RAB3C: variants seen among roughly 807,000 people sequenced by gnomAD.
RAB3C encodes RAB3C, member RAS oncogene family.
A neutral mutation model predicts 26.4 loss-of-function variants in RAB3C; 17 were observed. The ratio of observed to expected loss-of-function variants is 0.64; its 90% confidence interval spans 0.44 to 0.97. RAB3C has a LOEUF of 0.97. Ranked by LOEUF, RAB3C falls within the 50% of genes least tolerant of loss-of-function variation. The pLI is 0.00. For missense variants in RAB3C, 242 were observed against 281.9 expected (o/e 0.86, Z 1.01); for synonymous variants, 91 against 95.9 (o/e 0.95, Z 0.30).
At chr5:58,606,018 A>G (rs1746559764) in intron 1 of RAB3C, among the ~76,000 whole-genome samples, 1 of 152,142 alleles carries the variant, frequency 6.6e-6, no homozygotes, top group Non-Finnish European at 1.5e-5. Flanking sequence ...TTTCCAACTG[A>G]GGTACCTGGT....
At position 58,680,306 on chromosome 5, in the gene RAB3C, G is replaced by A. The variant is rs1748320474; in HGVS notation, c.253-45696G>A. 2.0e-5 allele frequency among the ~76,000 whole-genome samples: 3 copies of A among 152,002 alleles called. No individual in the cohort carries two copies. The South Asian group carries it at 6.2e-4, about 32-fold the overall frequency. On this transcript the variant is annotated intron_variant, in intron 2 of 4. Coordinates refer to ENST00000282878, the MANE Select transcript of RAB3C (RefSeq NM_138453.4). Reference sequence around the variant, plus strand: ...GCTTTGCAAGGCCATTAGTGAAGGAGAAAAACTTATATTGCCTAGAAACCA... The same window carrying A: ...GCTTTGCAAGGCCATTAGTGAAGGAAAAAAACTTATATTGCCTAGAAACCA...
At chr5:58,591,896 CTAT>C (rs1746136111) in intron 1 of RAB3C, among the ~76,000 whole-genome samples, 1 of 94,074 alleles carries the variant, frequency 1.1e-5, no homozygotes. Context: ...TTTTCTTTTT[CTAT>C]TTTTTTTTTT....
At chr5:58,712,983 T>C (rs1405877404) in intron 2 of RAB3C, among the ~76,000 whole-genome samples, 1 of 152,086 alleles carries the variant, frequency 6.6e-6, no homozygotes, top group Non-Finnish European at 1.5e-5. Context: ...AATTCTGACA[T>C]GAAGGGATCA....
intron 2 of RAB3C, among the ~76,000 whole-genome samples, chr5:58,621,443 C>T (rs1746935262): frequency 6.6e-6 from 1 of 152,164 alleles, no homozygotes; most frequent in Non-Finnish European, 1.5e-5. Context: ...CTGGTTTCTA[C>T]TACATTATAC....
intron 3 of RAB3C, among the ~76,000 whole-genome samples, chr5:58,735,087 A>G (rs1741105381): frequency 6.6e-6 from 1 of 152,188 alleles, no homozygotes; most frequent in African/African-American, 2.4e-5. Flanking sequence ...CGTTTATTCT[A>G]TGCGAGGCCC....
At chr5:58,643,201 A>G (rs1579833446) in intron 2 of RAB3C, among the ~76,000 whole-genome samples, 1 of 152,220 alleles carries the variant, frequency 6.6e-6, no homozygotes, top group East Asian at 1.9e-4. Flanking sequence ...GTGGCTGAGC[A>G]TACTAGCAGA....
At chr5:58,763,812 A>G (rs1429445479) in intron 3 of RAB3C, among the ~76,000 whole-genome samples, 1 of 152,200 alleles carries the variant, frequency 6.6e-6, no homozygotes, top group Non-Finnish European at 1.5e-5. Flanking sequence ...ATAGAGTGAT[A>G]TGGATATTAT....
At chr5:58,671,567 A>G (rs1748119555) in intron 2 of RAB3C, among the ~76,000 whole-genome samples, 1 of 152,190 alleles carries the variant, frequency 6.6e-6, no homozygotes, top group Admixed American at 6.5e-5. Flanking sequence ...CCTAAAAATC[A>G]CCTGATATAA....
chr5:58,694,957 G>A (rs1361486076), intron 2 of RAB3C, among the ~76,000 whole-genome samples: 1 of 152,086 alleles, frequency 6.6e-6, no homozygotes, highest in African/African-American at 2.4e-5. Context: ...TGTCTGTTTT[G>A]GCTTTTGTCG....
At chr5:58,756,436 A>G (rs1741664891) in intron 3 of RAB3C, among the ~76,000 whole-genome samples, 1 of 146,346 alleles carries the variant, frequency 6.8e-6, no homozygotes, top group Non-Finnish European at 1.5e-5. Context: ...GTTCTGGGGT[A>G]CATGTGCAGA....
intron 1 of RAB3C, 80 bp from the exon 2 acceptor site, chr5:58,617,563 G>A (rs144858413): frequency 0.012 from 12,977 of 1,126,664 alleles, 134 homozygotes; most frequent in Middle Eastern, 0.054. Context: ...GGCCAATAAT[G>A]AGTATGCTGC....
At chr5:58,724,022 A>G (rs939666533) in intron 2 of RAB3C, among the ~76,000 whole-genome samples, 1 of 151,814 alleles carries the variant, frequency 6.6e-6, no homozygotes, top group Non-Finnish European at 1.5e-5. Context: ...TATAAGGTAT[A>G]TGTGATGTAT....
At chr5:58,739,688 A>G (rs1296564479) in intron 3 of RAB3C, among the ~76,000 whole-genome samples, 1 of 152,164 alleles carries the variant, frequency 6.6e-6, no homozygotes, top group Non-Finnish European at 1.5e-5. Context: ...CCCTTTCTAG[A>G]CCATCAATTT....
At chr5:58,693,332 A>ATG (rs3059475) in intron 2 of RAB3C, among the ~76,000 whole-genome samples, 9 of 107,078 alleles carry the variant, frequency 8.4e-5, no homozygotes, top group South Asian at 2.7e-4. Flanking sequence ...TTATATATAT[A>ATG]TGTGTATATA....
intron 2 of RAB3C, among the ~76,000 whole-genome samples, chr5:58,701,882 T>A (rs1053105627): frequency 1.2e-4 from 18 of 152,342 alleles, no homozygotes; most frequent in African/African-American, 4.3e-4. Context: ...CCCCTCATTG[T>A]GAGATCATTA....
In RAB3C at chr5:58,703,112, G is replaced by A. The variant is rs186530179; in HGVS notation, c.253-22890G>A. Among the ~76,000 whole-genome samples, 153 of 152,262 alleles carry A rather than the reference G, an allele frequency of 1.0e-3. 2 individuals carry two copies. Among genetic ancestry groups the A allele is most frequent in the South Asian group, 2.1e-4 (1 of 4,824 alleles). On this transcript the variant is annotated intron_variant, in intron 2 of 4. Transcript: ENST00000282878. Reference sequence around the variant, plus strand: ...AGGAATTCTTCCAAAATTATACGTGGCAACCAAAATTATATTTGGCAGCCA... The same window carrying A: ...AGGAATTCTTCCAAAATTATACGTGACAACCAAAATTATATTTGGCAGCCA...
chr5:58,835,199 C>T (rs1161029121), intron 4 of RAB3C, among the ~76,000 whole-genome samples: 1 of 152,092 alleles, frequency 6.6e-6, no homozygotes, highest in Non-Finnish European at 1.5e-5. Context: ...TCACATTCCC[C>T]AGTGAATAAA....
At chr5:58,741,214 AC>A (rs1424997552) in intron 3 of RAB3C, among the ~76,000 whole-genome samples, 4 of 152,234 alleles carry the variant, frequency 2.6e-5, no homozygotes, top group Non-Finnish European at 5.9e-5. Flanking sequence ...TGGCTGCATG[AC>A]AATATGCATA....
intron 2 of RAB3C, among the ~76,000 whole-genome samples, chr5:58,692,862 C>T (rs1263451121): frequency 1.3e-5 from 2 of 152,036 alleles, no homozygotes; most frequent in Non-Finnish European, 2.9e-5. Flanking sequence ...AATCCCAGCA[C>T]TTTGGGAGGC....
Sources: gnomAD v4.1 joint callset for allele counts (sites outside exome capture counted in the v4.1 genomes callset) on GRCh38, gnomAD v4.1.1 for gene constraint, MANE v1.5 for transcripts, NCBI Gene and HGNC (gene_info 2026-07-23, HGNC 2026-07-21) for gene names.